Variants in SYT2 observed in about 807,000 individuals in gnomAD.
The protein encoded by SYT2 is synaptotagmin-2.
In SYT2, 15 loss-of-function variants were observed where a neutral mutation model predicts 39.9. That is an observed-to-expected ratio of 0.38 (90% CI 0.25 to 0.58). The LOEUF (loss-of-function observed/expected upper bound fraction) is 0.58, where lower values mean the gene tolerates loss of function less well. Ranked by LOEUF, SYT2 falls within the 20% of genes least tolerant of loss-of-function variation. The pLI is 0.70. For synonymous variants in SYT2, 181 were observed against 204.5 expected (o/e 0.89, Z 0.98); for missense variants, 389 against 530.3 (o/e 0.73, Z 2.62).
At position 202,678,288 on chromosome 1, in the gene SYT2, A is replaced by C. The variant is rs569255796; in HGVS notation, c.-18+31970T>G. On this transcript the variant is annotated intron_variant, in intron 1 of 8. Transcript: ENST00000367268. The stretch of plus-strand genomic sequence containing the variant: ...GACTCTGTCTCAAAAAAAAAAAAAA[A>C]AAAAAAAAAAAAACTAATAAAATAA... Among the ~76,000 whole-genome samples the C allele has an allele frequency of 2.2e-3, 335 of 149,058 alleles. 1 individual carries two copies. Among genetic ancestry groups the C allele is most frequent in the African/African-American group, 4.8e-3 (187 of 39,204 alleles).
intron 1 of SYT2, among the ~76,000 whole-genome samples, chr1:202,629,636 C>T (rs1419749498): frequency 3.9e-5 from 6 of 152,144 alleles, no homozygotes; most frequent in Admixed American, 2.6e-4. Flanking sequence ...TGTGGTGGCT[C>T]ACACCTGTAA....
At chr1:202,676,448 A>T (rs1653377062) in intron 1 of SYT2, among the ~76,000 whole-genome samples, 1 of 152,156 alleles carries the variant, frequency 6.6e-6, no homozygotes, top group Admixed American at 6.5e-5. Flanking sequence ...CATATCTTAC[A>T]ACACCTAGCA....
At chr1:202,657,708 C>T (rs892794474) in intron 1 of SYT2, among the ~76,000 whole-genome samples, 1 of 151,972 alleles carries the variant, frequency 6.6e-6, no homozygotes, top group African/African-American at 2.4e-5. Context: ...AAACTGAGTG[C>T]AGTCAGCATA....
chr1:202,639,611 T>A (rs1343088319), intron 1 of SYT2: 26 of 985,346 alleles, frequency 2.6e-5, no homozygotes, highest in Non-Finnish European at 3.1e-5. Context: ...TCCTCATGAC[T>A]AACCTTGAAT....
rs757723127 is a variant in SYT2 at position 202,602,051 on chromosome 1, A to G, written c.640T>C (p.Tyr214His). 3.0e-5 allele frequency: 48 copies of G among 1,613,922 alleles called. No individual in the cohort carries two copies. The Admixed American group carries it at 5.7e-4, about 19-fold the overall frequency. ...FNETFTFKVP[Y>H]QELGGKTLVM... ...AGAGTTTTGCCCCCAAGCTCCTGGT[A>G]TGGCACCTGCAGGGCACAAGCAGAA... Residue 214 changes from tyrosine to histidine, a missense_variant, in exon 6 of 9, where the codon TAC becomes CAC. Around this residue, in one of 4 missense-constraint regions of SYT2, gnomAD observed 280 missense variants for 335.6 expected, o/e 0.83. Coordinates refer to ENST00000367268, the MANE Select transcript of SYT2 (RefSeq NM_177402.5).
rs563166595 is a variant in SYT2 at position 202,676,919 on chromosome 1, A to T, written c.-18+33339T>A. Among the ~76,000 whole-genome samples, 187 of 152,340 alleles carry T rather than the reference A, an allele frequency of 1.2e-3. 1 individual carries two copies. The highest frequency in any genetic ancestry group is 4.4e-3 in the African/African-American group (182 of 41,588). On this transcript the variant is annotated intron_variant, in intron 1 of 8. Transcript: ENST00000367268. ...AGGCCTGGTGGGAGGTGACTGAATC[A>T]TGGGGGCAGACTTCCCCCTTGCTGT...
At chr1:202,688,618 C>T (rs138069164) in intron 1 of SYT2, among the ~76,000 whole-genome samples, 10 of 152,318 alleles carry the variant, frequency 6.6e-5, no homozygotes, top group East Asian at 5.8e-4. Context: ...CCATCACCCA[C>T]GCCTGCGATT....
At position 202,697,491 on chromosome 1, in the gene SYT2, A is replaced by C. The variant is rs191993970; in HGVS notation, c.-18+12767T>G. 2.0e-5 allele frequency among the ~76,000 whole-genome samples: 3 copies of C among 152,386 alleles called. No homozygotes were observed. The East Asian group carries it at 5.8e-4, about 29-fold the overall frequency. On this transcript the variant is annotated intron_variant, in intron 1 of 8. Transcript: ENST00000367268. Reference sequence around the variant, plus strand: ...TGTGAGTCTTCCCTACTCTGAGCCGAATGTCCTGACTTGCTGCGAACCTCA... The same window carrying C: ...TGTGAGTCTTCCCTACTCTGAGCCGCATGTCCTGACTTGCTGCGAACCTCA...
chr1:202,688,091 A>C (rs975776078), intron 1 of SYT2, among the ~76,000 whole-genome samples: 3 of 152,164 alleles, frequency 2.0e-5, no homozygotes, highest in Non-Finnish European at 4.4e-5. Context: ...TGTGAGCAAA[A>C]GCCTGGCTCT....
At chr1:202,625,724 G>A (rs930545082) in intron 1 of SYT2, among the ~76,000 whole-genome samples, 13 of 152,096 alleles carry the variant, frequency 8.5e-5, no homozygotes, top group Non-Finnish European at 1.5e-5. Context: ...CCCAGTCAAC[G>A]CTCACACCCT....
intron 1 of SYT2, among the ~76,000 whole-genome samples, chr1:202,701,791 C>T (rs1572688173): frequency 6.6e-6 from 1 of 152,314 alleles, no homozygotes; most frequent in South Asian, 2.1e-4. Flanking sequence ...GACCCGTGGC[C>T]CCCATCTTGA....
Position 202,602,403 on chromosome 1 carries a change from G to C in SYT2, c.608C>G (p.Ala203Gly), listed in dbSNP as rs1384578200. The C allele has an allele frequency of 6.2e-7, 1 of 1,613,984 alleles. No homozygotes were observed. Among genetic ancestry groups the C allele is most frequent in the Non-Finnish European group, 8.5e-7 (1 of 1,179,974 alleles). ...TKVHRKTLNP[A>G]FNETFTFKVP... Reference sequence around the variant, plus strand: ...CTTGAAGGTGAAGGTTTCATTGAAGGCAGGGTTCAGTGTCTTCCGATGGAC... The same window carrying C: ...CTTGAAGGTGAAGGTTTCATTGAAGCCAGGGTTCAGTGTCTTCCGATGGAC... The change falls in exon 5 of 9, where the codon GCC (alanine) becomes GGC (glycine). Residue 203 changes from alanine to glycine, a missense_variant. By Grantham distance (60) the Ala-to-Gly change is moderately conservative (BLOSUM62 0). Transcript: ENST00000367268.
At chr1:202,622,306 A>G (rs1329297566) in intron 1 of SYT2, among the ~76,000 whole-genome samples, 1 of 152,218 alleles carries the variant, frequency 6.6e-6, no homozygotes, top group Non-Finnish European at 1.5e-5. Flanking sequence ...TTCTGAAAAT[A>G]AGTTACCCAT....
At chr1:202,639,615 C>T (rs1302512567) in intron 1 of SYT2, 1 of 985,466 alleles carries the variant, frequency 1.0e-6, no homozygotes, top group Non-Finnish European at 1.2e-6. Context: ...CATGACTAAC[C>T]TTGAATGGAG....
In SYT2 at chr1:202,603,037, G is replaced by A. The variant is rs778928746; in HGVS notation, c.427C>T (p.Leu143=). The A allele has an allele frequency of 1.6e-5, 26 of 1,613,700 alleles. No homozygotes were observed. In the South Asian group the frequency reaches 2.9e-4, roughly 18 times the overall value. ...EEKEPENLGK[L]QFSLDYDFQA... is the part of the protein sequence containing the mutation. ...AAATCATAGTCCAGGGAAAACTGCAGTTTGCCCAGGTTCTCTGGCTCTTTC... is the reference window on the plus strand; with the variant it reads ...AAATCATAGTCCAGGGAAAACTGCAATTTGCCCAGGTTCTCTGGCTCTTTC... Residue 143 remains leucine, a synonymous_variant, in exon 4 of 9, where the codon CTG becomes TTG. Coordinates refer to ENST00000367268, the MANE Select transcript of SYT2 (RefSeq NM_177402.5).
chr1:202,621,845 T>C (rs913481492), intron 1 of SYT2, among the ~76,000 whole-genome samples: 1 of 152,208 alleles, frequency 6.6e-6, no homozygotes, highest in African/African-American at 2.4e-5. Context: ...TGCCCCCAAA[T>C]GAGACTGCCT....
intron 1 of SYT2, among the ~76,000 whole-genome samples, chr1:202,656,327 C>T (rs924092228): frequency 3.3e-5 from 5 of 152,214 alleles, no homozygotes; most frequent in Admixed American, 6.5e-5. Flanking sequence ...TCCAGATCCT[C>T]GGCCCCTGAG....
intron 1 of SYT2, among the ~76,000 whole-genome samples, chr1:202,660,312 T>G (rs1692353361): frequency 6.6e-6 from 1 of 152,204 alleles, no homozygotes; most frequent in Non-Finnish European, 1.5e-5. Flanking sequence ...AACCTCAGTT[T>G]CCTCATCTGT....
chr1:202,643,687 G>A (rs970096648), intron 1 of SYT2, among the ~76,000 whole-genome samples: 1 of 152,046 alleles, frequency 6.6e-6, no homozygotes, highest in Non-Finnish European at 1.5e-5. Context: ...AGGGGAAAAT[G>A]GGCGACAGGA....
Sources: gnomAD v4.1 joint callset for allele counts (sites outside exome capture counted in the v4.1 genomes callset) on GRCh38, gnomAD v4.1.1 for gene constraint, gnomAD v4.1.1 regional missense constraint, MANE v1.5 for transcripts, NCBI Gene and HGNC (gene_info 2026-07-23, HGNC 2026-07-21) for gene names.